Variants in GARS1 observed in about 807,000 individuals in gnomAD.
GARS1 encodes the protein glycyl-tRNA synthetase 1.
In GARS1, 46 loss-of-function variants were observed where a neutral mutation model predicts 86.4. The ratio of observed to expected loss-of-function variants is 0.53; its 90% CI spans 0.42 to 0.68. GARS1 has a LOEUF of 0.68. Ranked by LOEUF, GARS1 falls within the 30% of genes least tolerant of loss-of-function variation. The pLI, the probability that GARS1 is intolerant of heterozygous loss-of-function variation, is 0.00. For synonymous variants in GARS1, 342 were observed against 329.8 expected (o/e 1.04, Z -0.40); for missense variants, 797 against 915.6 (o/e 0.87, Z 1.67).
At position 30,598,855 on chromosome 7, in the gene GARS1, A is replaced by G. The variant is rs571004464; in HGVS notation, c.282A>G (p.Ala94=). Residue 94 remains alanine (A), a synonymous_variant, in exon 2 of 17, where the codon GCA becomes GCG. Transcript: ENST00000389266. ...DKAPQVDVDK[A]VAELKARKRV... ...CACCCCAAGTAGACGTAGACAAAGC[A>G]GTGGCTGAGCTCAAAGCCCGCAAGA... 28 of 1,614,230 alleles carry G rather than the reference A, an allele frequency of 1.7e-5. 1 individual carries two copies. The South Asian group carries it at 3.1e-4, about 18-fold the overall frequency.
In GARS1 at chr7:30,633,982, G is replaced by T. The variant is rs895938074; in HGVS notation, c.*122G>T. The T allele has an allele frequency of 3.3e-6, 4 of 1,200,350 alleles. No homozygotes were observed. The African/African-American group carries it at 6.2e-5, about 18-fold the overall frequency. 74.4% of individuals were successfully genotyped at this position (1,200,350 alleles called of 1,614,324 possible). A position where few individuals can be genotyped will look rare whatever the true frequency, so the allele number is the denominator to read the frequency against. ...TCCCAGGGACCGTATTTTATCTTCA[G>T]TGGCTGCCTGATTTTACCCCCACAA... On this transcript the variant is annotated 3_prime_UTR_variant, in exon 17 of 17. Transcript: ENST00000389266.
At chr7:30,623,845 C>T (rs1460969951) in intron 12 of GARS1, among the ~76,000 whole-genome samples, 2 of 152,140 alleles carry the variant, frequency 1.3e-5, no homozygotes, top group African/African-American at 2.4e-5. Context: ...AGACTCATCA[C>T]ATAAAAGCAA....
chr7:30,608,056 G>A (rs1194399836), intron 6 of GARS1, among the ~76,000 whole-genome samples: 1 of 152,166 alleles, frequency 6.6e-6, no homozygotes, highest in African/African-American at 2.4e-5. Flanking sequence ...TGGGCATTGT[G>A]TGGATATATT....
rs1791560409 is a variant in GARS1, at chr7:30,609,747, G to A, written c.881+17G>A. 6.2e-7 allele frequency: 1 copy of A among 1,611,692 alleles called. No individual in the cohort carries two copies. The highest frequency in any genetic ancestry group is 8.5e-7 in the Non-Finnish European group (1 of 1,178,158). On this transcript the variant is annotated intron_variant, in intron 7 of 16. Transcript: ENST00000389266. ...CATGCCTGGGTATGTATCACTTATT[G>A]TTTACCTGTTTATGTAATGAAGTTT...
chr7:30,620,521 T>C (rs1782982461), intron 10 of GARS1, among the ~76,000 whole-genome samples: 1 of 152,184 alleles, frequency 6.6e-6, no homozygotes. Context: ...TACCATCACA[T>C]TGGGAGTTAG....
intron 7 of GARS1, 39 bp from the exon 8 acceptor site, chr7:30,612,057 T>A (rs1314913370): frequency 1.9e-6 from 3 of 1,570,466 alleles, no homozygotes; most frequent in Non-Finnish European, 2.6e-6. Context: ...AAAACATAAT[T>A]TCTTTCTTTG....
At chr7:30,618,192 T>C (rs1173674701) in intron 10 of GARS1, among the ~76,000 whole-genome samples, 1 of 152,214 alleles carries the variant, frequency 6.6e-6, no homozygotes, top group African/African-American at 2.4e-5. Flanking sequence ...CTTCCAGTTA[T>C]ATGCCTCTCC....
At chr7:30,607,546 G>A (rs1329692424) in intron 6 of GARS1, among the ~76,000 whole-genome samples, 2 of 151,490 alleles carry the variant, frequency 1.3e-5, no homozygotes, top group African/African-American at 4.9e-5. Flanking sequence ...TGGGCCTGTC[G>A]GGGGGTGGGA....
intron 15 of GARS1, 134 bp downstream of exon 15, chr7:30,631,675 T>G: frequency 1.4e-5 from 10 of 694,144 alleles, no homozygotes; most frequent in Non-Finnish European, 2.3e-5. Flanking sequence ...AGTACATGAT[T>G]TTAGCCTGTA....
At position 30,633,912 on chromosome 7, in the gene GARS1, C is replaced by A. The variant is rs777709331; in HGVS notation, c.*52C>A. On this transcript the variant is annotated 3_prime_UTR_variant, in exon 17 of 17. Coordinates refer to ENST00000389266, the MANE Select transcript of GARS1 (RefSeq NM_002047.4). ...TTGCGCTAATAAAAAAAAAAAAAAA[C>A]TACTCTTATGTCCACTTTACAAAAG... The A allele has an allele frequency of 1.4e-5, 17 of 1,192,654 alleles. No homozygotes were observed. Among genetic ancestry groups the A allele is most frequent in the Middle Eastern group, 2.0e-4 (1 of 4,884 alleles). The allele number at this position is 1,192,654 out of a possible 1,614,324, so 73.9% of individuals were successfully genotyped here.
chr7:30,595,842 G>A (rs1416138241), intron 1 of GARS1: 1 of 471,062 alleles, frequency 2.1e-6, no homozygotes, highest in East Asian at 6.9e-5. Flanking sequence ...GAACCAGTGA[G>A]CCCTCAGATC....
intron 8 of GARS1, among the ~76,000 whole-genome samples, chr7:30,612,953 T>A (rs1782800795): frequency 6.6e-6 from 1 of 152,226 alleles, no homozygotes; most frequent in South Asian, 2.1e-4. Context: ...CCTGGTATCA[T>A]CTCTTAGAGT....
At chr7:30,594,777 C>A, upstream of GARS1, 1 of 682,116 alleles carries the variant, frequency 1.5e-6, no homozygotes, top group Non-Finnish European at 2.4e-6. Context: ...TCTGCGGCGG[C>A]GACCCGGCGC....
chr7:30,614,555 G>T (rs1782846781), intron 8 of GARS1, among the ~76,000 whole-genome samples: 1 of 152,076 alleles, frequency 6.6e-6, no homozygotes, highest in African/African-American at 2.4e-5. Context: ...CCAAATAAGA[G>T]ACACTATTAA....
In GARS1 at chr7:30,633,852, G is replaced by A. The variant is rs181251337; in HGVS notation, c.2212G>A (p.Glu738Lys). Residue 738 changes from glutamate (E) to lysine (K), a missense_variant, in exon 17 of 17, where the codon GAG (glutamate) becomes AAG (lysine). Glu to Lys is a moderately conservative substitution (Grantham distance 56, BLOSUM62 1). This residue lies in a region of GARS1 where 598 missense variants were observed against 738.7 expected (regional missense o/e 0.81). Coordinates refer to ENST00000389266, the MANE Select transcript of GARS1 (RefSeq NM_002047.4). Reference protein sequence around the residue: ...GQETGKKETIEE With the variant: ...GQETGKKETIKE ...AGAGACTGGTAAAAAAGAGACAATC[G>A]AGGAATGAGGACAATTTTGACAACT... 183 of 1,598,594 alleles carry A rather than the reference G, an allele frequency of 1.1e-4. 1 individual carries two copies. The East Asian group carries it at 4.0e-3, about 35-fold the overall frequency.
In GARS1 at chr7:30,631,489, C is replaced by T. The variant is rs377159922; in HGVS notation, c.1851C>T (p.Ser617=). The T allele has an allele frequency of 1.9e-5, 31 of 1,613,524 alleles. No homozygotes were observed. The highest frequency in any genetic ancestry group is 4.0e-5 in the African/African-American group (3 of 74,872). ...FPAVVAPFKC[S]VLPLSQNQEF... is the part of the protein sequence containing the mutation. ...CTGTAGTTGCTCCATTCAAATGTTC[C>T]GTCCTCCCACTGAGCCAAAACCAGG... is the stretch of plus-strand genomic sequence containing the variant. Residue 617 remains serine, a synonymous_variant, in exon 15 of 17, where the codon TCC becomes TCT. Coordinates refer to ENST00000389266, the MANE Select transcript of GARS1 (RefSeq NM_002047.4).
Position 30,621,454 on chromosome 7 carries a change from G to T in GARS1, c.1421G>T (p.Arg474Leu). ...TGTTATGACCTCTCCTGTCATGCACGAGCCACCAAAGTCCCACTTGTAGCT... is the reference window on the plus strand; with the variant it reads ...TGTTATGACCTCTCCTGTCATGCACTAGCCACCAAAGTCCCACTTGTAGCT... ...RSCYDLSCHA[R>L]ATKVPLVAEK... The change falls in exon 11 of 17, where the codon CGA becomes CTA. Residue 474 changes from arginine to leucine, a missense_variant. Physicochemically the swap from Arg to Leu is moderately radical, Grantham distance 102. Around this residue, in one of 2 missense-constraint regions of GARS1, gnomAD observed 598 missense variants for 738.7 expected, o/e 0.81. Transcript: ENST00000389266. 6.2e-7 allele frequency: 1 copy of T among 1,614,094 alleles called. No individual in the cohort carries two copies. Among genetic ancestry groups the T allele is most frequent in the Non-Finnish European group, 8.5e-7 (1 of 1,180,008 alleles).
intron 8 of GARS1, among the ~76,000 whole-genome samples, chr7:30,613,687 G>T (rs1379557051): frequency 6.6e-6 from 1 of 152,136 alleles, no homozygotes; most frequent in Admixed American, 6.5e-5. Context: ...TGGATTCTTT[G>T]GTCATTTTCA....
Position 30,626,315 on chromosome 7 carries a change from A to T in GARS1, c.1695A>T (p.Leu565=). ...MINVKRFQKT[L]YVEEVVPNVI... is the part of the protein sequence containing the mutation. ...ATGTGAAGAGATTCCAGAAAACACTATATGGTAAATTTGTAAAAATAATAA... is the reference window on the plus strand; with the variant it reads ...ATGTGAAGAGATTCCAGAAAACACTTTATGGTAAATTTGTAAAAATAATAA... The change falls in exon 13 of 17, where the codon CTA becomes CTT. Residue 565 remains leucine, a synonymous_variant. Transcript: ENST00000389266. 6.5e-7 allele frequency: 1 copy of T among 1,549,822 alleles called. No homozygotes were observed. Among genetic ancestry groups the T allele is most frequent in the Non-Finnish European group, 8.9e-7 (1 of 1,122,020 alleles).
Sources: gnomAD v4.1 joint callset for allele counts (sites outside exome capture counted in the v4.1 genomes callset) on GRCh38, gnomAD v4.1.1 for gene constraint, gnomAD v4.1.1 regional missense constraint, MANE v1.5 for transcripts, NCBI Gene and HGNC (gene_info 2026-07-23, HGNC 2026-07-21) for gene names.